The following RBFOX1 variants were observed in gnomAD, a reference collection of about 807,000 sequenced individuals.
RBFOX1 encodes the protein RNA binding protein fox-1 homolog 1.
In RBFOX1, 8 loss-of-function variants were observed where a neutral mutation model predicts 57.7. That is an observed-to-expected ratio of 0.14 (90% CI 0.08 to 0.25). The LOEUF (loss-of-function observed/expected upper bound fraction) is 0.25. Among genes scored for constraint, RBFOX1 ranks in the 10% least tolerant of loss-of-function variants. The pLI is 1.00. For synonymous variants in RBFOX1, 326 were observed against 222.4 expected, an observed-to-expected ratio of 1.47 and a Z score of -4.15; for missense variants, 611 against 548.5, an observed-to-expected ratio of 1.11 and a Z score of -1.14.
intron 3 of RBFOX1, among the ~76,000 whole-genome samples, chr16:5,828,828 G>T (rs975442808): frequency 6.6e-6 from 1 of 152,144 alleles, no homozygotes; most frequent in African/African-American, 2.4e-5. Flanking sequence ...GAGTAAGGTG[G>T]CTGGATGCAT....
intron 2 of RBFOX1, among the ~76,000 whole-genome samples, chr16:6,450,811 A>ATACACATATATATATG (rs1567303325): frequency 4.1e-5 from 1 of 24,120 alleles, no homozygotes; most frequent in Non-Finnish European, 6.4e-5. Context: ...GTATATATAT[A>ATACACATATATATATG]TATATACATA....
At chr16:6,020,481 G>T (rs1022484214) in intron 1 of RBFOX1, among the ~76,000 whole-genome samples, 1 of 152,162 alleles carries the variant, frequency 6.6e-6, no homozygotes, top group Non-Finnish European at 1.5e-5. Context: ...GAGGGGAAGA[G>T]AAGGCTCACT....
intron 2 of RBFOX1, among the ~76,000 whole-genome samples, chr16:6,318,153 T>G (rs1478999794): frequency 1.4e-5 from 2 of 147,902 alleles, no homozygotes; most frequent in Non-Finnish European, 3.0e-5. Context: ...ACTAAAAAGA[T>G]GGTGTATTAG....
chr16:6,749,482 T>A (rs1771551459), intron 3 of RBFOX1, among the ~76,000 whole-genome samples: 1 of 152,134 alleles, frequency 6.6e-6, no homozygotes, highest in Admixed American at 6.6e-5. Context: ...ACTCATGTTT[T>A]CCCCACTTTC....
intron 1 of RBFOX1, among the ~76,000 whole-genome samples, chr16:5,411,893 A>C (rs567736850): frequency 5.3e-5 from 8 of 152,272 alleles, no homozygotes; most frequent in Middle Eastern, 6.8e-3. Flanking sequence ...AAAGGAAAAA[A>C]AGAAAAGAAA....
chr16:6,952,733 TTTGG>T (rs2081020427), intron 3 of RBFOX1, among the ~76,000 whole-genome samples: 1 of 152,106 alleles, frequency 6.6e-6, no homozygotes, highest in Admixed American at 6.6e-5. Context: ...AGCTCAGCAC[TTTGG>T]GAATCTGAAG....
chr16:7,010,874 G>T (rs2093622671), intron 3 of RBFOX1, among the ~76,000 whole-genome samples: 1 of 152,146 alleles, frequency 6.6e-6, no homozygotes, highest in Non-Finnish European at 1.5e-5. Flanking sequence ...ACTGCTCCCG[G>T]CCCACATCTC....
At chr16:6,457,391 T>C (rs888045655) in intron 2 of RBFOX1, among the ~76,000 whole-genome samples, 1 of 150,458 alleles carries the variant, frequency 6.6e-6, no homozygotes, top group African/African-American at 2.4e-5. Context: ...CCAGGACACA[T>C]CTCTGGGCCC....
At chr16:6,901,811 C>G (rs960094622) in intron 3 of RBFOX1, among the ~76,000 whole-genome samples, 2 of 152,150 alleles carry the variant, frequency 1.3e-5, no homozygotes, top group Admixed American at 6.5e-5. Context: ...TAATACTTCA[C>G]TGTTATATTT....
At chr16:6,245,268 G>A (rs977760179) in intron 1 of RBFOX1, among the ~76,000 whole-genome samples, 17 of 151,896 alleles carry the variant, frequency 1.1e-4, no homozygotes, top group African/African-American at 1.7e-4. Flanking sequence ...TCTTATTTGC[G>A]CTTTCTTGTA....
chr16:6,241,797 ACT>A (rs2097541457), intron 1 of RBFOX1, among the ~76,000 whole-genome samples: 1 of 152,146 alleles, frequency 6.6e-6, no homozygotes, highest in Non-Finnish European at 1.5e-5. Context: ...TTTTTCACAA[ACT>A]CTCTTAATCA....
At chr16:7,527,073 G>A (rs1205983226) in intron 5 of RBFOX1, among the ~76,000 whole-genome samples, 4 of 152,264 alleles carry the variant, frequency 2.6e-5, no homozygotes, top group East Asian at 1.9e-4. Context: ...TGAGACCTGC[G>A]CCTTGAGCAA....
At chr16:5,241,141 C>G (rs1186468535) in intron 1 of RBFOX1, among the ~76,000 whole-genome samples, 1 of 152,188 alleles carries the variant, frequency 6.6e-6, no homozygotes, top group East Asian at 1.9e-4. Flanking sequence ...CCGTCCTCGC[C>G]GTGGGCTGCC....
At chr16:7,363,894 C>G (rs1426369473) in intron 4 of RBFOX1, among the ~76,000 whole-genome samples, 2 of 151,974 alleles carry the variant, frequency 1.3e-5, no homozygotes, top group African/African-American at 2.4e-5. Context: ...GGCTTCTGGG[C>G]TTCATTGTTG....
intron 2 of RBFOX1, among the ~76,000 whole-genome samples, chr16:5,552,264 C>T (rs993880810): frequency 3.9e-5 from 6 of 152,106 alleles, no homozygotes; most frequent in African/African-American, 1.4e-4. Flanking sequence ...GGTTTATTAT[C>T]CATCCCTCCT....
At chr16:6,096,358 A>T (rs1275518963) in intron 1 of RBFOX1, among the ~76,000 whole-genome samples, 1 of 152,202 alleles carries the variant, frequency 6.6e-6, no homozygotes, top group Non-Finnish European at 1.5e-5. Context: ...TGCATTATTT[A>T]GGACCATGTG....
chr16:5,913,322 C>G (rs1338426532), intron 4 of RBFOX1, among the ~76,000 whole-genome samples: 1 of 152,182 alleles, frequency 6.6e-6, no homozygotes, highest in East Asian at 1.9e-4. Context: ...GAATATTCAT[C>G]CCCTCCAAAT....
chr16:6,835,873 G>A (rs1260719680), intron 3 of RBFOX1, among the ~76,000 whole-genome samples: 1 of 151,736 alleles, frequency 6.6e-6, no homozygotes. Flanking sequence ...CCTTCCCTAG[G>A]TGGCTCCACC....
At chr16:6,502,889 A>G (rs1208493712) in intron 2 of RBFOX1, among the ~76,000 whole-genome samples, 6 of 152,176 alleles carry the variant, frequency 3.9e-5, no homozygotes, top group African/African-American at 1.4e-4. Flanking sequence ...TAGCAATGCC[A>G]TGTTACAACT....
Sources: allele counts gnomAD v4.1 joint callset (sites outside exome capture counted in the v4.1 genomes callset), GRCh38; gene constraint gnomAD v4.1.1; transcripts MANE v1.5; gene names NCBI Gene and HGNC (gene_info 2026-07-23, HGNC 2026-07-21).